The following BNC1 variants were observed in gnomAD, a reference collection of about 807,000 sequenced individuals.
BNC1 encodes the protein basonuclin zinc finger protein 1.
Under a neutral mutation model 66.5 loss-of-function variants are expected in BNC1, and 8 were observed. The ratio of observed to expected loss-of-function variants is 0.12; its 90% confidence interval spans 0.07 to 0.22. The LOEUF is 0.22. Among genes scored for constraint, BNC1 ranks in the 10% least tolerant of loss-of-function variants. The probability of loss-of-function intolerance (pLI) is 1.00; values close to 1 mark genes in which losing one functional copy is unlikely to be tolerated. For missense variants in BNC1, 1,069 were observed against 1,241.3 expected (o/e 0.86, Z 2.09); for synonymous variants, 454 against 452.6 (o/e 1.00, Z -0.04).
chr15:83,262,045 G>GTTTTTTTTTTTTTTTTTTTTTTTTT (rs5814139), intron 4 of BNC1, among the ~76,000 whole-genome samples: 1 of 110,538 alleles, frequency 9.0e-6, no homozygotes. Flanking sequence ...ACTAGTTCAT[G>GTTTTTTTTTTTTTTTTTTTTTTTTT]TTTTTTTTTT....
rs2038193711 is a variant in BNC1, at chr15:83,264,520, A to G, written c.731T>C (p.Leu244Pro). 1.2e-6 allele frequency: 2 copies of G among 1,614,066 alleles called. No individual in the cohort carries two copies. Among genetic ancestry groups the G allele is most frequent in the Non-Finnish European group, 8.5e-7 (1 of 1,180,042 alleles). ...CAGAGGGTTGAAGAACTGGAAAGGC[A>G]GCATGAAAGTCATGTTGCTTATGAG... ...ENLISNMTFM[L>P]PFQFFNPLPP... The change falls in exon 4 of 5, where the codon CTG becomes CCG. Residue 244 changes from leucine to proline, a missense_variant. Coordinates refer to ENST00000345382, the MANE Select transcript of BNC1 (RefSeq NM_001717.4).
intron 4 of BNC1, 110 bp downstream of exon 4, chr15:83,262,841 A>G: frequency 8.5e-7 from 1 of 1,178,860 alleles, no homozygotes; most frequent in Non-Finnish European, 1.2e-6. Flanking sequence ...TGGAAATTCT[A>G]GGGTGGGGCT....
At chr15:83,276,437 G>C (rs2038324667) in intron 1 of BNC1, among the ~76,000 whole-genome samples, 1 of 152,222 alleles carries the variant, frequency 6.6e-6, no homozygotes, top group Admixed American at 6.5e-5. Flanking sequence ...ACGAATGATT[G>C]AACAAATCAA....
At chr15:83,274,729 A>G (rs2038303059) in intron 1 of BNC1, among the ~76,000 whole-genome samples, 1 of 152,242 alleles carries the variant, frequency 6.6e-6, no homozygotes, top group Non-Finnish European at 1.5e-5. Context: ...CATTTATTAC[A>G]TGTGAGATAC....
intron 1 of BNC1, among the ~76,000 whole-genome samples, chr15:83,276,930 T>A (rs2038328823): frequency 6.6e-6 from 1 of 152,124 alleles, no homozygotes; most frequent in African/African-American, 2.4e-5. Flanking sequence ...AGTTTTAGAG[T>A]CTGTGGTCCT....
Position 83,264,551 on chromosome 15 carries a change from C to T in BNC1, c.700G>A (p.Glu234Lys). 1.2e-6 allele frequency: 2 copies of T among 1,614,030 alleles called. No homozygotes were observed. Among genetic ancestry groups the T allele is most frequent in the Non-Finnish European group, 8.5e-7 (1 of 1,180,022 alleles). The change falls in exon 4 of 5, where the codon GAG becomes AAG. Residue 234 changes from glutamate to lysine, a missense_variant. Coordinates refer to ENST00000345382, the MANE Select transcript of BNC1 (RefSeq NM_001717.4). ...AAAGTCATGTTGCTTATGAGGTTCT[C>T]AAAGGGGTGTATACTGCTGGGGTTT... Reference protein sequence around the residue: ...KGNPSSIHPFENLISNMTFML... With the variant: ...KGNPSSIHPFKNLISNMTFML...
At chr15:83,281,411 C>T (rs1452267991) in intron 1 of BNC1, among the ~76,000 whole-genome samples, 1 of 152,172 alleles carries the variant, frequency 6.6e-6, no homozygotes, top group Non-Finnish European at 1.5e-5. Flanking sequence ...TACCAACTCC[C>T]TAAAATCTTG....
intron 1 of BNC1, chr15:83,283,448 C>A (rs1049431510): frequency 8.2e-7 from 1 of 1,224,132 alleles, no homozygotes; most frequent in Non-Finnish European, 1.0e-6. Context: ...GCTCCCAGCA[C>A]GGAACCGACG....
At chr15:83,273,580 A>G (rs1437826913) in intron 1 of BNC1, among the ~76,000 whole-genome samples, 2 of 152,226 alleles carry the variant, frequency 1.3e-5, no homozygotes, top group African/African-American at 2.4e-5. Flanking sequence ...CTACAAATCA[A>G]CATTCAAAAT....
chr15:83,283,072 G>GCCCCCCCCCC, intron 1 of BNC1: 1 of 1,298,964 alleles, frequency 7.7e-7, no homozygotes, highest in Non-Finnish European at 1.0e-6. Flanking sequence ...GATGCCCCCC[G>GCCCCCCCCCC]CCCCCCAACC....
chr15:83,276,604 G>A (rs887803474), intron 1 of BNC1, among the ~76,000 whole-genome samples: 1 of 152,286 alleles, frequency 6.6e-6, no homozygotes, highest in East Asian at 1.9e-4. Context: ...AAATTGTTGG[G>A]TGAAGTATTG....
At position 83,257,652 on chromosome 15, in the gene BNC1, C is replaced by G. The variant is rs2038091446; in HGVS notation, c.2775G>C (p.Gly925=). 1 of 1,614,076 alleles carries G rather than the reference C, an allele frequency of 6.2e-7. No individual in the cohort carries two copies. Among genetic ancestry groups the G allele is most frequent in the Non-Finnish European group, 8.5e-7 (1 of 1,180,018 alleles). The change falls in exon 5 of 5, where the codon GGG becomes GGC. Residue 925 remains glycine, a synonymous_variant. Transcript: ENST00000345382. ...GGCAGAGATGACAGGTTATGGGCAA[C>G]CCAGAAGGCAGGCTAGCAAGGCTCT... ...ADQSLASLPS[G]LPITCHLCQK...
Position 83,256,314 on chromosome 15 carries a change from A to T in BNC1, c.*1128T>A, listed in dbSNP as rs2038072621. ...ACAGGACTGACTGAACTTCCTTTCTACCATGGAAAATGTATGTAACAGTGT... is the reference window on the plus strand; with the variant it reads ...ACAGGACTGACTGAACTTCCTTTCTTCCATGGAAAATGTATGTAACAGTGT... On this transcript the variant is annotated 3_prime_UTR_variant, in exon 5 of 5. Coordinates refer to ENST00000345382, the MANE Select transcript of BNC1 (RefSeq NM_001717.4). The T allele has an allele frequency of 6.6e-6, 1 of 152,668 alleles. No individual in the cohort carries two copies. Among genetic ancestry groups the T allele is most frequent in the African/African-American group, 2.4e-5 (1 of 41,458 alleles). The allele number at this position is 152,668 out of a possible 1,614,324, so 9.5% of individuals were successfully genotyped here. A position where few individuals can be genotyped will look rare whatever the true frequency, so the allele number is the denominator to read the frequency against.
intron 1 of BNC1, among the ~76,000 whole-genome samples, chr15:83,270,007 A>C (rs1341098844): frequency 1.3e-5 from 2 of 152,244 alleles, no homozygotes; most frequent in African/African-American, 4.8e-5. Flanking sequence ...TATTTACATG[A>C]AATGTCAAGA....
chr15:83,273,567 G>A (rs904117070), intron 1 of BNC1, among the ~76,000 whole-genome samples: 5 of 152,176 alleles, frequency 3.3e-5, no homozygotes, highest in Non-Finnish European at 5.9e-5. Flanking sequence ...TCACTTTGAT[G>A]TGCTACAAAT....
At chr15:83,260,069 G>A (rs976309093) in intron 4 of BNC1, among the ~76,000 whole-genome samples, 3 of 152,182 alleles carry the variant, frequency 2.0e-5, no homozygotes, top group African/African-American at 7.2e-5. Flanking sequence ...GATCTCTGAG[G>A]CCCTTTCAGG....
intron 1 of BNC1, among the ~76,000 whole-genome samples, chr15:83,273,549 G>GT (rs1256942616): frequency 2.6e-5 from 4 of 152,168 alleles, no homozygotes; most frequent in Admixed American, 2.6e-4. Context: ...TTTCAGAATT[G>GT]TTATTAATCA....
intron 1 of BNC1, 144 bp downstream of exon 1, chr15:83,284,385 TC>T: frequency 2.3e-6 from 1 of 426,830 alleles, no homozygotes; most frequent in Non-Finnish European, 3.2e-6. Context: ...CCGCCGCGCC[TC>T]GGGGCCGCGC....
Position 83,257,802 on chromosome 15 carries a change from G to C in BNC1, c.2625C>G (p.Asp875Glu), listed in dbSNP as rs202176406. The change falls in exon 5 of 5, where the codon GAC becomes GAG. Residue 875 changes from aspartate to glutamate, a missense_variant. Transcript: ENST00000345382. ...KSESSSHSSW[D>E]SDGVSEEGTV... Reference sequence around the variant, plus strand: ...TGCCTTCCTCACTCACCCCGTCAGAGTCCCAGGAAGAATGGCTGCTACTCT... The same window carrying C: ...TGCCTTCCTCACTCACCCCGTCAGACTCCCAGGAAGAATGGCTGCTACTCT... The C allele has an allele frequency of 6.8e-6, 11 of 1,614,160 alleles. No individual in the cohort carries two copies. The East Asian group carries it at 2.2e-4, about 33-fold the overall frequency.
Sources: allele counts gnomAD v4.1 joint callset (sites outside exome capture counted in the v4.1 genomes callset), GRCh38; gene constraint gnomAD v4.1.1; transcripts MANE v1.5; gene names NCBI Gene and HGNC (gene_info 2026-07-23, HGNC 2026-07-21).